Variants in SH2D4B observed in about 807,000 individuals in gnomAD.
SH2D4B encodes the protein SH2 domain containing 4B.
SH2D4B carries 45 observed loss-of-function variants against 61.5 expected under a neutral mutation model. That is an observed-to-expected ratio of 0.73 (90% CI 0.58 to 0.94). The LOEUF (loss-of-function observed/expected upper bound fraction) is 0.94, where lower values mean the gene tolerates loss of function less well. Ranked by LOEUF, SH2D4B falls within the 40% of genes least tolerant of loss-of-function variation. The pLI is 0.00. For missense variants in SH2D4B, 572 were observed against 574.2 expected, an observed-to-expected ratio of 1.00 and a Z score of 0.04; for synonymous variants, 224 against 220.4, an observed-to-expected ratio of 1.02 and a Z score of -0.14.
At chr10:80,578,256 T>C (rs1470683974) in intron 3 of SH2D4B, among the ~76,000 whole-genome samples, 1 of 152,212 alleles carries the variant, frequency 6.6e-6, no homozygotes, top group Non-Finnish European at 1.5e-5. Flanking sequence ...TTACTGTGTC[T>C]TTCAACAGTA....
intron 4 of SH2D4B, among the ~76,000 whole-genome samples, chr10:80,591,968 C>T (rs1842333318): frequency 6.6e-6 from 1 of 152,222 alleles, no homozygotes; most frequent in Non-Finnish European, 1.5e-5. Flanking sequence ...GCCACACTGT[C>T]TTCCAAAGTG....
At chr10:80,592,802 C>T (rs934215985) in intron 4 of SH2D4B, among the ~76,000 whole-genome samples, 8 of 150,964 alleles carry the variant, frequency 5.3e-5, no homozygotes, top group African/African-American at 1.9e-4. Context: ...CAAGCTCTGC[C>T]CTATGGGCTC....
chr10:80,554,973 C>T (rs1282019577), intron 1 of SH2D4B, among the ~76,000 whole-genome samples: 2 of 134,088 alleles, frequency 1.5e-5, no homozygotes, highest in Non-Finnish European at 3.0e-5. Flanking sequence ...TGCGCCACTG[C>T]ACTCCAGCCT....
At chr10:80,565,813 G>A (rs549098481) in intron 1 of SH2D4B, among the ~76,000 whole-genome samples, 65 of 152,132 alleles carry the variant, frequency 4.3e-4, no homozygotes, top group African/African-American at 1.4e-3. Context: ...AAGAGTGGCC[G>A]GGCGTGGTGG....
intron 3 of SH2D4B, among the ~76,000 whole-genome samples, chr10:80,579,416 T>C (rs1842164203): frequency 3.9e-5 from 6 of 152,218 alleles, no homozygotes; most frequent in Admixed American, 1.3e-4. Flanking sequence ...AAGGAGATCC[T>C]GAGGCCAGAT....
intron 3 of SH2D4B, among the ~76,000 whole-genome samples, chr10:80,578,525 A>ATCTGGG (rs2132123416): frequency 1.3e-5 from 2 of 152,260 alleles, no homozygotes; most frequent in East Asian, 3.9e-4. Flanking sequence ...ATGAGCAAGC[A>ATCTGGG]CAAGAGATGG....
intron 6 of SH2D4B, among the ~76,000 whole-genome samples, chr10:80,610,177 T>G (rs1482770772): frequency 6.6e-6 from 1 of 152,194 alleles, no homozygotes; most frequent in Non-Finnish European, 1.5e-5. Context: ...TGGCACATTC[T>G]CATTTTCCAT....
intron 6 of SH2D4B, among the ~76,000 whole-genome samples, chr10:80,612,861 CAAAG>C (rs1842617728): frequency 6.6e-6 from 1 of 152,188 alleles, no homozygotes; most frequent in Non-Finnish European, 1.5e-5. Context: ...AGCAAATAGA[CAAAG>C]AATCTGAAGA....
intron 6 of SH2D4B, among the ~76,000 whole-genome samples, chr10:80,617,556 G>C (rs1473340389): frequency 2.0e-5 from 3 of 152,172 alleles, no homozygotes; most frequent in Admixed American, 6.5e-5. Flanking sequence ...TAAGTACAGG[G>C]TGTGTGGTGA....
At position 80,646,049 on chromosome 10, in the gene SH2D4B, G is replaced by A. The variant is rs577800786; in HGVS notation, c.*1964G>A. On this transcript the variant is annotated 3_prime_UTR_variant, in exon 8 of 8. Coordinates refer to ENST00000646907, the MANE Select transcript of SH2D4B (RefSeq NM_001388272.1). ...AGTCATTTAACTTCAGTAAACCTCG[G>A]TATGACTGAAAAGGGAGTTTTCTGT... The A allele has an allele frequency of 6.6e-6, 1 of 152,642 alleles. No homozygotes were observed. Among genetic ancestry groups the A allele is most frequent in the Non-Finnish European group, 1.5e-5 (1 of 68,028 alleles). The allele number at this position is 152,642 out of a possible 1,614,324, so 9.5% of individuals were successfully genotyped here.
chr10:80,632,875 T>C (rs1372131144), intron 6 of SH2D4B, among the ~76,000 whole-genome samples: 2 of 151,784 alleles, frequency 1.3e-5, no homozygotes, highest in East Asian at 3.9e-4. Flanking sequence ...CCTCACTTCC[T>C]TCCTTGTCTT....
chr10:80,626,843 A>G (rs1379297067), intron 6 of SH2D4B, among the ~76,000 whole-genome samples: 5 of 152,218 alleles, frequency 3.3e-5, no homozygotes, highest in Non-Finnish European at 5.9e-5. Flanking sequence ...CATGGTATAG[A>G]ACAGAGAGAG....
At chr10:80,634,531 G>T (rs180766868) in intron 7 of SH2D4B, 26 bp downstream of exon 7, 64 of 1,545,212 alleles carry the variant, frequency 4.1e-5, no homozygotes, top group East Asian at 1.2e-4. Context: ...ATACTAATGG[G>T]GGGGAGGGGG....
intron 7 of SH2D4B, 103 bp downstream of exon 7, chr10:80,634,608 G>T: frequency 6.8e-7 from 1 of 1,477,908 alleles, no homozygotes; most frequent in Non-Finnish European, 9.0e-7. Context: ...GCTCTGGGCA[G>T]TGGGGCTGGA....
rs1842328682 is a variant in SH2D4B at position 80,591,631 on chromosome 10, G to T, written c.643+2854G>T. 2.7e-5 allele frequency among the ~76,000 whole-genome samples: 4 copies of T among 150,764 alleles called. No individual in the cohort carries two copies. The South Asian group carries it at 8.4e-4, about 32-fold the overall frequency. On this transcript the variant is annotated intron_variant, in intron 4 of 7. Coordinates refer to ENST00000646907, the MANE Select transcript of SH2D4B (RefSeq NM_001388272.1). ...AAGCAACTCTCCTGCCTCCCTAGTAGCTGGGATTACAGGTGTGTGCCACCA... is the reference window on the plus strand; with the variant it reads ...AAGCAACTCTCCTGCCTCCCTAGTATCTGGGATTACAGGTGTGTGCCACCA...
intron 6 of SH2D4B, among the ~76,000 whole-genome samples, chr10:80,632,800 G>A (rs753063668): frequency 9.2e-5 from 14 of 152,122 alleles, no homozygotes; most frequent in East Asian, 1.9e-4. Flanking sequence ...GGGAAGCAGC[G>A]GGGTGCATCC....
At position 80,553,034 on chromosome 10, in the gene SH2D4B, G is replaced by A. The variant is rs536350539; in HGVS notation, c.184+14519G>A. Among the ~76,000 whole-genome samples, 12 of 152,218 alleles carry A rather than the reference G, an allele frequency of 7.9e-5. No individual in the cohort carries two copies. In the East Asian group the frequency reaches 2.3e-3, roughly 29 times the overall value. Reference sequence around the variant, plus strand: ...GGATTCAAGTGATTCTCCTGCTTCAGCCTCCCGAGTAGCTGGGATTACAGG... The same window carrying A: ...GGATTCAAGTGATTCTCCTGCTTCAACCTCCCGAGTAGCTGGGATTACAGG... On this transcript the variant is annotated intron_variant, in intron 1 of 7. Coordinates refer to ENST00000646907, the MANE Select transcript of SH2D4B (RefSeq NM_001388272.1).
Position 80,603,648 on chromosome 10 carries a change from A to G in SH2D4B, c.713A>G (p.His238Arg), listed in dbSNP as rs7075840. The G allele has an allele frequency of 0.27, 431,970 of 1,602,382 alleles. 62,381 individuals are homozygous for G. Among genetic ancestry groups the G allele is most frequent in the East Asian group, 0.55 (24,220 of 44,278 alleles). The change falls in exon 5 of 8, where the codon CAC (histidine) becomes CGC (arginine). Residue 238 changes from histidine (H) to arginine (R), a missense_variant. Physicochemically the swap from His to Arg is conservative, Grantham distance 29 (BLOSUM62 0). Transcript: ENST00000646907. Reference sequence around the variant, plus strand: ...CAGCGCGCCCGGGACGAGTACCGACACCACTCGCTCCGTGCTATCCAGAAG... The same window carrying G: ...CAGCGCGCCCGGGACGAGTACCGACGCCACTCGCTCCGTGCTATCCAGAAG... ...RAQRARDEYR[H>R]HSLRAIQKGT...
chr10:80,557,813 T>A (rs1365094583), intron 1 of SH2D4B, among the ~76,000 whole-genome samples: 1 of 152,122 alleles, frequency 6.6e-6, no homozygotes, highest in African/African-American at 2.4e-5. Flanking sequence ...TGGTTTCTTT[T>A]TGTTTCTCTG....
Sources: allele counts gnomAD v4.1 joint callset (sites outside exome capture counted in the v4.1 genomes callset), GRCh38; gene constraint gnomAD v4.1.1; transcripts MANE v1.5; gene names NCBI Gene and HGNC (gene_info 2026-07-23, HGNC 2026-07-21).